Variants in WDR59 observed in about 807,000 individuals in gnomAD.
The protein encoded by WDR59 is WD repeat domain 59, also known as GATOR2 complex protein WDR59.
Under a neutral mutation model 131.2 loss-of-function variants are expected in WDR59, and 100 were observed. The ratio of observed to expected loss-of-function variants is 0.76; its 90% CI spans 0.65 to 0.90. WDR59 has a LOEUF of 0.90. Ranked by LOEUF, WDR59 falls within the 40% of genes least tolerant of loss-of-function variation. The pLI is 0.00. For synonymous variants in WDR59, 601 were observed against 466.2 expected (o/e 1.29, Z -3.72); for missense variants, 1,203 against 1,262.2 (o/e 0.95, Z 0.71).
At chr16:74,891,997 T>G (rs954304463) in intron 20 of WDR59, among the ~76,000 whole-genome samples, 1 of 152,182 alleles carries the variant, frequency 6.6e-6, no homozygotes, top group Non-Finnish European at 1.5e-5. Context: ...ATGGGCTATA[T>G]CTCAGTTAAG....
intron 25 of WDR59, among the ~76,000 whole-genome samples, chr16:74,877,350 C>T (rs991325417): frequency 8.5e-5 from 13 of 152,054 alleles, no homozygotes; most frequent in Admixed American, 2.6e-4. Context: ...TGTTCAGTGA[C>T]GAAGAAAATG....
chr16:74,933,220 G>A (rs1170593241), intron 8 of WDR59, among the ~76,000 whole-genome samples: 1 of 152,170 alleles, frequency 6.6e-6, no homozygotes, highest in Non-Finnish European at 1.5e-5. Flanking sequence ...AGGATCACTT[G>A]AGCCCAGGAG....
chr16:74,906,857 T>C lies in WDR59; in HGVS notation c.1712+2051A>G, dbSNP rs140115157. ...GTGCTGAAGGGCGGGGAAAAGGGAC[T>C]GGGAACCTTTGTGGGTGAGGACAGT... is the stretch of plus-strand genomic sequence containing the variant. On this transcript the variant is annotated intron_variant, in intron 17 of 25. Transcript: ENST00000262144. Among the ~76,000 whole-genome samples the C allele has an allele frequency of 2.5e-3, 380 of 152,312 alleles. 1 individual carries two copies. The highest frequency in any genetic ancestry group is 8.5e-3 in the Admixed American group (130 of 15,288).
chr16:74,943,625 G>A (rs1176829600), intron 6 of WDR59, among the ~76,000 whole-genome samples: 1 of 152,156 alleles, frequency 6.6e-6, no homozygotes, highest in South Asian at 2.1e-4. Context: ...AACCAAACCA[G>A]AACTGAAGTG....
intron 6 of WDR59, among the ~76,000 whole-genome samples, chr16:74,946,944 A>G (rs1287723303): frequency 6.6e-6 from 1 of 152,172 alleles, no homozygotes; most frequent in Non-Finnish European, 1.5e-5. Context: ...CAGATAACAC[A>G]TGCTTTTATA....
rs1322940014 is a variant in WDR59, at chr16:74,917,941, G to A, written c.954C>T (p.Ser318=). The change falls in exon 11 of 26, where the codon TCC becomes TCT. Residue 318 remains serine (S), a synonymous_variant. Coordinates refer to ENST00000262144, the MANE Select transcript of WDR59 (RefSeq NM_030581.4). ...ACTGCATACATACCCTCTGCATCTG[G>A]GAATCCACCCGCCACATTCTCAAGG... is the stretch of plus-strand genomic sequence containing the variant. The part of the protein sequence containing the change: ...DQTLRMWRVD[S]QMQRLCANDI... 9.9e-6 allele frequency: 16 copies of A among 1,613,780 alleles called. No homozygotes were observed. The highest frequency in any genetic ancestry group is 1.7e-5 in the Admixed American group (1 of 59,950).
chr16:74,952,445 CAAAAAAAAAA>C (rs61448932), intron 3 of WDR59, among the ~76,000 whole-genome samples: 22 of 62,718 alleles, frequency 3.5e-4, no homozygotes, highest in Non-Finnish European at 6.1e-4. Flanking sequence ...CCATCTCAAA[CAAAAAAAAAA>C]AAAAAAAAAA....
chr16:74,981,337 C>A (rs543071935), intron 1 of WDR59, among the ~76,000 whole-genome samples: 39 of 150,126 alleles, frequency 2.6e-4, no homozygotes, highest in African/African-American at 9.0e-4. Flanking sequence ...GATCATGCCA[C>A]TGCACTCCAG....
chr16:74,891,341 T>C (rs939565346), intron 20 of WDR59, among the ~76,000 whole-genome samples: 1 of 152,118 alleles, frequency 6.6e-6, no homozygotes, highest in Admixed American at 6.5e-5. Flanking sequence ...ATCAATTAAA[T>C]CACGTGGCAC....
At position 74,905,537 on chromosome 16, in the gene WDR59, C is replaced by T. The variant is rs550350594; in HGVS notation, c.1713-1437G>A. ...TCTATTAAAAAATACAAAAAATTAGCCAGGCGTGGTGGCGGGCGCCTGTAG... is the reference window on the plus strand; with the variant it reads ...TCTATTAAAAAATACAAAAAATTAGTCAGGCGTGGTGGCGGGCGCCTGTAG... On this transcript the variant is annotated intron_variant, in intron 17 of 25. Coordinates refer to ENST00000262144, the MANE Select transcript of WDR59 (RefSeq NM_030581.4). Among the ~76,000 whole-genome samples the T allele has an allele frequency of 1.5e-3, 225 of 151,600 alleles. 2 individuals carry two copies. The highest frequency in any genetic ancestry group is 5.1e-3 in the African/African-American group (210 of 41,318).
chr16:74,954,226 C>T (rs558041595), intron 3 of WDR59, among the ~76,000 whole-genome samples: 12 of 151,964 alleles, frequency 7.9e-5, no homozygotes, highest in African/African-American at 2.4e-4. Flanking sequence ...TGGACCAACA[C>T]GGAGAAACCC....
intron 8 of WDR59, among the ~76,000 whole-genome samples, chr16:74,927,633 AT>A (rs2030959042): frequency 6.6e-6 from 1 of 151,352 alleles, no homozygotes; most frequent in South Asian, 2.1e-4. Context: ...AAATAAAAAA[AT>A]AAAACTTCTA....
At chr16:74,943,548 G>A (rs547109701) in intron 6 of WDR59, among the ~76,000 whole-genome samples, 8 of 152,284 alleles carry the variant, frequency 5.3e-5, no homozygotes, top group South Asian at 2.1e-4. Context: ...AGAAAGAGCT[G>A]AGACATGGAA....
intron 25 of WDR59, among the ~76,000 whole-genome samples, chr16:74,880,276 T>G (rs1964415189): frequency 6.6e-6 from 1 of 151,870 alleles, no homozygotes; most frequent in Non-Finnish European, 1.5e-5. Flanking sequence ...TGAAACCCCA[T>G]CTCTACTAAA....
rs753071400 is a variant in WDR59 at position 74,985,020 on chromosome 16, C to A, written c.-3G>T. ...TCGCTGCTCCATCGCGCCGCCATCT[C>A]CCCCGCCCGGCCGCCGCGGCCCCAG... is the stretch of plus-strand genomic sequence containing the variant. On this transcript the variant is annotated 5_prime_UTR_variant, in exon 1 of 26. Coordinates refer to ENST00000262144, the MANE Select transcript of WDR59 (RefSeq NM_030581.4). 4.4e-6 allele frequency: 7 copies of A among 1,574,044 alleles called. No homozygotes were observed. In the African/African-American group the frequency reaches 8.1e-5, roughly 18 times the overall value.
Position 74,909,633 on chromosome 16 carries a change from T to C in WDR59, c.1510A>G (p.Asn504Asp), listed in dbSNP as rs1436823618. 6.3e-7 allele frequency: 1 copy of C among 1,586,822 alleles called. No individual in the cohort carries two copies. The highest frequency in any genetic ancestry group is 1.2e-5 in the South Asian group (1 of 86,436). The stretch of plus-strand genomic sequence containing the variant: ...ACAGAGTTGGGGAGTGCAAACGGGT[T>C]GCTGGAAGCGCTGTCTTCCTGGTTC... ...FVNQEDSASS[N>D]PFALPNSVTP... is the part of the protein sequence containing the mutation. The change falls in exon 16 of 26, where the codon AAC becomes GAC. Residue 504 changes from asparagine to aspartate, a missense_variant. Asn to Asp is a conservative substitution (Grantham distance 23). Coordinates refer to ENST00000262144, the MANE Select transcript of WDR59 (RefSeq NM_030581.4).
chr16:74,900,147 AAGG>A lies in WDR59; in HGVS notation c.1866+3797_1866+3799del, dbSNP rs1222303708. ...CCTGTTTTCCCCTGTAGGAGGTAAG[AAGG>A]AGAACATATATTGAGAGCACATACT... On this transcript the variant is annotated intron_variant, in intron 18 of 25. Transcript: ENST00000262144. Among the ~76,000 whole-genome samples, 4 of 152,226 alleles carry A rather than the reference AAGG, an allele frequency of 2.6e-5. No homozygotes were observed. The South Asian group carries it at 8.3e-4, about 32-fold the overall frequency.
At chr16:74,974,919 C>T (rs1263045020) in intron 1 of WDR59, among the ~76,000 whole-genome samples, 1 of 152,196 alleles carries the variant, frequency 6.6e-6, no homozygotes, top group Non-Finnish European at 1.5e-5. Flanking sequence ...ATGCCATTTG[C>T]CTTTTCCCTT....
intron 8 of WDR59, among the ~76,000 whole-genome samples, chr16:74,935,818 G>A (rs2031752527): frequency 6.6e-6 from 1 of 151,918 alleles, no homozygotes; most frequent in East Asian, 1.9e-4. Flanking sequence ...CCAACATGGT[G>A]AAACCCCATC....
Sources: allele counts gnomAD v4.1 joint callset (sites outside exome capture counted in the v4.1 genomes callset), GRCh38; gene constraint gnomAD v4.1.1; transcripts MANE v1.5; gene names NCBI Gene and HGNC (gene_info 2026-07-23, HGNC 2026-07-21).